Variants in ADAMTS9 observed in about 807,000 individuals in gnomAD.
The protein encoded by ADAMTS9 is A disintegrin and metalloproteinase with thrombospondin motifs 9.
Under a neutral mutation model 257.1 loss-of-function variants are expected in ADAMTS9, and 107 were observed. The ratio of observed to expected loss-of-function variants is 0.42; its 90% confidence interval spans 0.36 to 0.49. The LOEUF is 0.49. ADAMTS9 is among the 20% of genes least tolerant of loss of function. The pLI is 0.03. For synonymous variants in ADAMTS9, 982 were observed against 880.9 expected, an observed-to-expected ratio of 1.11 and a Z score of -2.03; for missense variants, 2,353 against 2,469.1, an observed-to-expected ratio of 0.95 and a Z score of 1.00.
At chr3:64,541,276 G>T in intron 35 of ADAMTS9, 44 bp downstream of exon 35, 1 of 1,613,942 alleles carries the variant, frequency 6.2e-7, no homozygotes, top group Non-Finnish European at 8.5e-7. Flanking sequence ...AGCATTTCCA[G>T]GGATCTCCAG....
chr3:64,659,100 C>G (rs1050297398), intron 3 of ADAMTS9, among the ~76,000 whole-genome samples: 4 of 152,172 alleles, frequency 2.6e-5, no homozygotes, highest in African/African-American at 9.7e-5. Flanking sequence ...GGGATTGATT[C>G]AAGGAATCTC....
At chr3:64,648,104 A>G (rs1301545519) in intron 10 of ADAMTS9, 60 bp from the exon 11 acceptor site, 1 of 1,485,138 alleles carries the variant, frequency 6.7e-7, no homozygotes, top group African/African-American at 1.4e-5. Context: ...AGTATCAAAC[A>G]AAGCAAAGCT....
At chr3:64,604,528 G>C (rs531967883) in intron 23 of ADAMTS9, among the ~76,000 whole-genome samples, 197 bp from the exon 24 acceptor site, 1 of 152,262 alleles carries the variant, frequency 6.6e-6, no homozygotes, top group African/African-American at 2.4e-5. Flanking sequence ...TAGTCCTTTT[G>C]TGGGTGCCTT....
chr3:64,578,161 A>G (rs1198481945), intron 28 of ADAMTS9, among the ~76,000 whole-genome samples: 1 of 152,180 alleles, frequency 6.6e-6, no homozygotes, highest in African/African-American at 2.4e-5. Context: ...ACCATTATCA[A>G]ATTAGATGCT....
chr3:64,546,733 T>G (rs1413021008), intron 32 of ADAMTS9, 25 bp downstream of exon 32: 1 of 1,561,744 alleles, frequency 6.4e-7, no homozygotes, highest in Non-Finnish European at 8.7e-7. Flanking sequence ...GGCTTTCAGA[T>G]TTGAGTGCTC....
At chr3:64,541,797 T>C (rs2083126050) in intron 33 of ADAMTS9, 41 bp downstream of exon 33, 1 of 1,612,076 alleles carries the variant, frequency 6.2e-7, no homozygotes, top group African/African-American at 1.3e-5. Flanking sequence ...GACATCCTGT[T>C]CTTCATGCTA....
chr3:64,541,490 A>C, intron 34 of ADAMTS9, 36 bp downstream of exon 34: 1 of 1,608,980 alleles, frequency 6.2e-7, no homozygotes, highest in East Asian at 2.2e-5. Flanking sequence ...CACTCTAAAA[A>C]CATTCTTGAA....
At position 64,652,682 on chromosome 3, in the gene ADAMTS9, C is replaced by T. The variant is rs547100409; in HGVS notation, c.1317-1519G>A. On this transcript the variant is annotated intron_variant, in intron 8 of 39. Coordinates refer to ENST00000498707, the MANE Select transcript of ADAMTS9 (RefSeq NM_182920.2). ...TAAATAATAATAAATGCTTATTGGA[C>T]GCTTACGAACGATAATAACCACAAC... Among the ~76,000 whole-genome samples, 34 of 152,266 alleles carry T rather than the reference C, an allele frequency of 2.2e-4. 1 individual carries two copies. In the South Asian group the frequency reaches 3.9e-3, roughly 18 times the overall value.
chr3:64,518,090 T>C (rs2082803352), intron 39 of ADAMTS9, among the ~76,000 whole-genome samples: 5 of 152,204 alleles, frequency 3.3e-5, no homozygotes, highest in Admixed American at 3.3e-4. Flanking sequence ...AATGATGTAA[T>C]CCTAGAGCTG....
intron 28 of ADAMTS9, chr3:64,583,760 G>C (rs947687776): frequency 2.6e-5 from 4 of 152,150 alleles, no homozygotes; most frequent in African/African-American, 9.7e-5. Context: ...AAATTGACTT[G>C]GTGAGGTCAG....
intron 25 of ADAMTS9, 138 bp from the exon 26 acceptor site, chr3:64,602,351 CTCTT>C: frequency 1.1e-6 from 1 of 903,710 alleles, no homozygotes; most frequent in Non-Finnish European, 1.7e-6. Flanking sequence ...CCCTTGTCTC[CTCTT>C]TTTTTCCCAT....
At chr3:64,561,960 G>A (rs1198028315) in intron 29 of ADAMTS9, among the ~76,000 whole-genome samples, 1 of 152,178 alleles carries the variant, frequency 6.6e-6, no homozygotes, top group East Asian at 1.9e-4. Flanking sequence ...GCTGGAGAGT[G>A]AGGAAGGTGC....
Position 64,515,699 on chromosome 3 carries a change from A to G in ADAMTS9, c.*1428T>C, listed in dbSNP as rs906406208. ...TATTCATAATATATTTTCAGAACAC[A>G]TTAATAATGGAGAATAACACTTATT... On this transcript the variant is annotated 3_prime_UTR_variant, in exon 40 of 40. Coordinates refer to ENST00000498707, the MANE Select transcript of ADAMTS9 (RefSeq NM_182920.2). 1.3e-5 allele frequency: 2 copies of G among 152,244 alleles called. No individual in the cohort carries two copies. The highest frequency in any genetic ancestry group is 2.4e-5 in the African/African-American group (1 of 41,464). 9.4% of individuals were successfully genotyped at this position (152,244 alleles called of 1,614,324 possible).
intron 16 of ADAMTS9, among the ~76,000 whole-genome samples, chr3:64,627,128 G>A (rs1357435803): frequency 1.3e-5 from 2 of 152,196 alleles, no homozygotes; most frequent in Admixed American, 6.5e-5. Context: ...TGCCGGTTCT[G>A]TAAATCAAGT....
chr3:64,634,889 T>C (rs1700455398), intron 12 of ADAMTS9, among the ~76,000 whole-genome samples: 1 of 152,154 alleles, frequency 6.6e-6, no homozygotes, highest in African/African-American at 2.4e-5. Flanking sequence ...GAGAAATATA[T>C]CCCTGCTCAC....
chr3:64,602,100 G>A lies in ADAMTS9; in HGVS notation c.3861C>T (p.Asp1287=), dbSNP rs368648763. 1 of 1,613,968 alleles carries A rather than the reference G, an allele frequency of 6.2e-7. No individual in the cohort carries two copies. The highest frequency in any genetic ancestry group is 8.5e-7 in the Non-Finnish European group (1 of 1,180,000). The change falls in exon 26 of 40, where the codon GAC becomes GAT. Residue 1287 remains aspartate (D), a synonymous_variant. Coordinates refer to ENST00000498707, the MANE Select transcript of ADAMTS9 (RefSeq NM_182920.2). ...ECDQDYIPET[D]QDCSMSPCPQ... Reference sequence around the variant, plus strand: ...GGCATGGTGACATGGAACAGTCCTGGTCAGTTTCTGGGATATAATCCTGGT... The same window carrying A: ...GGCATGGTGACATGGAACAGTCCTGATCAGTTTCTGGGATATAATCCTGGT...
intron 8 of ADAMTS9, among the ~76,000 whole-genome samples, chr3:64,653,133 GTTA>G (rs1700974586): frequency 6.6e-6 from 1 of 152,268 alleles, no homozygotes; most frequent in African/African-American, 2.4e-5. Context: ...CACCTGTACT[GTTA>G]TTATCTGCAT....
At chr3:64,552,209 C>T (rs1451767604) in intron 30 of ADAMTS9, among the ~76,000 whole-genome samples, 2 of 152,204 alleles carry the variant, frequency 1.3e-5, no homozygotes, top group East Asian at 3.8e-4. Context: ...GACGGGACAG[C>T]TATGTTTATT....
chr3:64,637,325 C>G (rs1700525338), intron 12 of ADAMTS9, among the ~76,000 whole-genome samples: 1 of 152,090 alleles, frequency 6.6e-6, no homozygotes, highest in South Asian at 2.1e-4. Flanking sequence ...GGAAACATAG[C>G]TTTAAAAAAT....
Sources: gnomAD v4.1 joint callset for allele counts (sites outside exome capture counted in the v4.1 genomes callset) on GRCh38, gnomAD v4.1.1 for gene constraint, MANE v1.5 for transcripts, NCBI Gene and HGNC (gene_info 2026-07-23, HGNC 2026-07-21) for gene names.